Variants in CCSER1 observed in about 807,000 individuals in gnomAD.
CCSER1 encodes the protein coiled-coil serine rich protein 1.
A neutral mutation model predicts 82.0 loss-of-function variants in CCSER1; 41 were observed. The ratio of observed to expected loss-of-function variants is 0.50; its 90% CI spans 0.39 to 0.65. The LOEUF is 0.65. CCSER1 is among the 30% of genes least tolerant of loss of function. The pLI is 0.00. For synonymous variants in CCSER1, 414 were observed against 383.9 expected, an observed-to-expected ratio of 1.08 and a Z score of -0.92; for missense variants, 1,119 against 1,064.2, an observed-to-expected ratio of 1.05 and a Z score of -0.72.
At chr4:90,232,919 A>C (rs1482942692) in intron 1 of CCSER1, among the ~76,000 whole-genome samples, 1 of 151,274 alleles carries the variant, frequency 6.6e-6, no homozygotes, top group Non-Finnish European at 1.5e-5. Flanking sequence ...CAAAACCACA[A>C]TGAGATACCA....
chr4:90,353,971 G>A (rs1278744722), intron 3 of CCSER1, among the ~76,000 whole-genome samples: 1 of 152,152 alleles, frequency 6.6e-6, no homozygotes, highest in Non-Finnish European at 1.5e-5. Context: ...TCCTTTGAGA[G>A]ATCTCAAAGA....
chr4:91,359,592 G>A (rs939160451), intron 10 of CCSER1, among the ~76,000 whole-genome samples: 15 of 151,576 alleles, frequency 9.9e-5, no homozygotes, highest in African/African-American at 3.6e-4. Flanking sequence ...ATTAACAGAA[G>A]ATAACAACAA....
intron 1 of CCSER1, among the ~76,000 whole-genome samples, chr4:90,244,641 A>G (rs1203297401): frequency 1.3e-5 from 2 of 152,156 alleles, no homozygotes; most frequent in Non-Finnish European, 2.9e-5. Flanking sequence ...GAGAGAAGTG[A>G]GGATGCAGGA....
chr4:90,627,827 G>A (rs935305748), intron 5 of CCSER1, among the ~76,000 whole-genome samples, 198 bp from the exon 6 acceptor site: 6 of 151,830 alleles, frequency 4.0e-5, no homozygotes, highest in Admixed American at 1.3e-4. Context: ...AAGAATACAA[G>A]ATCACGCCAC....
intron 10 of CCSER1, among the ~76,000 whole-genome samples, chr4:91,571,128 A>G (rs1252395116): frequency 6.6e-6 from 1 of 152,176 alleles, no homozygotes. Context: ...TTCATTGTCC[A>G]TATCACCATC....
chr4:90,637,972 T>G (rs1316972882), intron 6 of CCSER1, among the ~76,000 whole-genome samples: 1 of 152,192 alleles, frequency 6.6e-6, no homozygotes, highest in Non-Finnish European at 1.5e-5. Flanking sequence ...CTTTTGGGGT[T>G]GCCTGTGAAC....
At chr4:90,312,599 T>C (rs938689895) in intron 2 of CCSER1, among the ~76,000 whole-genome samples, 1 of 152,078 alleles carries the variant, frequency 6.6e-6, no homozygotes, top group South Asian at 2.1e-4. Context: ...TCAGATTCTG[T>C]ATACAGTTTG....
At chr4:90,167,155 A>G (rs528692928) in intron 1 of CCSER1, among the ~76,000 whole-genome samples, 17 of 152,224 alleles carry the variant, frequency 1.1e-4, no homozygotes, top group Middle Eastern at 3.4e-3. Flanking sequence ...TTAAAAACTC[A>G]AACTCAAGAA....
intron 1 of CCSER1, among the ~76,000 whole-genome samples, chr4:90,133,196 T>C (rs1723096847): frequency 1.3e-5 from 2 of 152,224 alleles, no homozygotes; most frequent in Admixed American, 6.5e-5. Flanking sequence ...GGTTCAGATA[T>C]TCAGTTTTGG....
At chr4:90,533,754 A>G (rs938065282) in intron 5 of CCSER1, among the ~76,000 whole-genome samples, 1 of 152,214 alleles carries the variant, frequency 6.6e-6, no homozygotes, top group African/African-American at 2.4e-5. Flanking sequence ...GAGAATGTAA[A>G]TGCCCTAGTA....
intron 10 of CCSER1, among the ~76,000 whole-genome samples, chr4:91,425,008 G>A (rs995307898): frequency 5.3e-5 from 8 of 152,018 alleles, no homozygotes; most frequent in African/African-American, 1.4e-4. Context: ...GGACATGTAT[G>A]TTTAAATATG....
intron 10 of CCSER1, among the ~76,000 whole-genome samples, chr4:91,572,799 TA>T (rs1391626275): frequency 4.1e-5 from 6 of 144,754 alleles, no homozygotes; most frequent in Admixed American, 4.1e-4. Flanking sequence ...CTGTCTCTAC[TA>T]AAAATCTATA....
At chr4:90,937,391 TC>T (rs1372293827) in intron 9 of CCSER1, among the ~76,000 whole-genome samples, 1 of 151,986 alleles carries the variant, frequency 6.6e-6, no homozygotes, top group Admixed American at 6.6e-5. Flanking sequence ...TGTTACACAT[TC>T]TAATCTATAT....
chr4:90,529,953 T>TATATA (rs1362762409), intron 5 of CCSER1, among the ~76,000 whole-genome samples: 250 of 89,972 alleles, frequency 2.8e-3, no homozygotes, highest in African/African-American at 7.0e-3. Flanking sequence ...ATATATATAT[T>TATATA]TTTTTTTTCT....
At chr4:91,290,034 C>T (rs1483206130) in intron 10 of CCSER1, among the ~76,000 whole-genome samples, 1 of 151,922 alleles carries the variant, frequency 6.6e-6, no homozygotes, top group African/African-American at 2.4e-5. Context: ...GACTTCTCAT[C>T]AGGTACTCTG....
intron 5 of CCSER1, among the ~76,000 whole-genome samples, chr4:90,562,614 G>A (rs568682502): frequency 7.3e-5 from 11 of 151,624 alleles, no homozygotes; most frequent in African/African-American, 2.4e-4. Flanking sequence ...CTCAGCTCAC[G>A]GCAGCCTTGA....
chr4:90,809,311 TAC>T (rs56677479), intron 7 of CCSER1, among the ~76,000 whole-genome samples: 13,404 of 148,212 alleles, frequency 0.09, 1,175 homozygotes, highest in African/African-American at 0.23. Flanking sequence ...AGCAAGATCA[TAC>T]ACACACACAC....
chr4:91,205,439 A>G (rs1736266168), intron 10 of CCSER1, among the ~76,000 whole-genome samples: 1 of 151,834 alleles, frequency 6.6e-6, no homozygotes, highest in Non-Finnish European at 1.5e-5. Flanking sequence ...ACCTGGGGTC[A>G]GTAAAATTTA....
intron 7 of CCSER1, among the ~76,000 whole-genome samples, chr4:90,810,244 G>A (rs550232150): frequency 6.6e-6 from 1 of 152,140 alleles, no homozygotes; most frequent in Non-Finnish European, 1.5e-5. Flanking sequence ...TTACAAGCGA[G>A]AGCCACCATG....
Sources: gnomAD v4.1 joint callset for allele counts (sites outside exome capture counted in the v4.1 genomes callset) on GRCh38, gnomAD v4.1.1 for gene constraint, MANE v1.5 for transcripts, NCBI Gene and HGNC (gene_info 2026-07-23, HGNC 2026-07-21) for gene names.